PCBP3: variants seen among roughly 807,000 people sequenced by gnomAD.
The protein encoded by PCBP3 is poly(rC) binding protein 3, also known as poly(rC)-binding protein 3.
A neutral mutation model predicts 52.7 loss-of-function variants in PCBP3; 25 were observed. The ratio of observed to expected loss-of-function variants is 0.47; its 90% CI spans 0.35 to 0.66. The LOEUF is 0.66. Ranked by LOEUF, PCBP3 falls within the 30% of genes least tolerant of loss-of-function variation. PCBP3 has a pLI of 0.01. For missense variants in PCBP3, 391 were observed against 490.3 expected (o/e 0.80, Z 1.91); for synonymous variants, 162 against 183.0 (o/e 0.89, Z 0.93).
intron 4 of PCBP3, among the ~76,000 whole-genome samples, chr21:45,783,645 T>C (rs552629143): frequency 1.3e-5 from 2 of 152,236 alleles, no homozygotes; most frequent in African/African-American, 4.8e-5. Flanking sequence ...AAGGTAGCCA[T>C]GGTGATGGAG....
intron 5 of PCBP3, among the ~76,000 whole-genome samples, chr21:45,864,502 A>G (rs1335956116): frequency 6.6e-6 from 1 of 152,232 alleles, no homozygotes; most frequent in Non-Finnish European, 1.5e-5. Flanking sequence ...ACAAAATTTT[A>G]TATTTTCACC....
At position 45,941,694 on chromosome 21, in the gene PCBP3, G is replaced by T; in HGVS notation, c.1104G>T (p.Met368Ile). 6.2e-7 allele frequency: 1 copy of T among 1,606,290 alleles called. No individual in the cohort carries two copies. The highest frequency in any genetic ancestry group is 8.5e-7 in the Non-Finnish European group (1 of 1,176,412). Residue 368 changes from methionine (M) to isoleucine (I), a missense_variant, in exon 18 of 18, where the codon ATG (methionine) becomes ATT (isoleucine). Met to Ile is a conservative substitution (Grantham distance 10). Transcript: ENST00000681687. ...GGCTGACGTCCGAGGTCACCGGGAT[G>T]GGCACGCTGTAATCCTACCCAGCAC... ...NARLTSEVTG[M>I]GTL
rs1556258220 is a variant in PCBP3, at chr21:45,901,717, G to GGGAC, written c.339+604_339+605insGGAC. 3.1e-5 allele frequency: 4 copies of GGGAC among 127,502 alleles called. 1 individual carries two copies. The highest frequency in any genetic ancestry group is 5.3e-5 in the Non-Finnish European group (3 of 56,842). 7.9% of individuals were successfully genotyped at this position (127,502 alleles called of 1,614,324 possible). On this transcript the variant is annotated intron_variant, in intron 9 of 17. Transcript: ENST00000681687. Reference sequence around the variant, plus strand: ...TGAGAGAGAGAGAGGAAGACAGAGAGAGAGAGATGAGAGAGAGAGAGACAG... The same window carrying GGGAC: ...TGAGAGAGAGAGAGGAAGACAGAGAGGGACAGAGAGATGAGAGAGAGAGAGACAG...
chr21:45,721,349 G>A (rs559183700), intron 2 of PCBP3, among the ~76,000 whole-genome samples: 217 of 149,656 alleles, frequency 1.4e-3, no homozygotes, highest in Non-Finnish European at 1.9e-3. Flanking sequence ...GGAGGTGGAG[G>A]TTACAGTGAG....
intron 2 of PCBP3, among the ~76,000 whole-genome samples, chr21:45,688,803 A>G (rs1569118509): frequency 6.6e-6 from 1 of 151,988 alleles, no homozygotes; most frequent in Non-Finnish European, 1.5e-5. Context: ...ACAACACTGA[A>G]AAGGCTAATG....
In PCBP3 at chr21:45,704,097, G is replaced by A. The variant is rs1248957514; in HGVS notation, c.-199-31295G>A. Among the ~76,000 whole-genome samples, 3 of 152,202 alleles carry A rather than the reference G, an allele frequency of 2.0e-5. No individual in the cohort carries two copies. Among genetic ancestry groups the A allele is most frequent in the African/African-American group, 2.4e-5 (1 of 41,448 alleles). ...TCTGGCTGATGTCAAGAGGTCAGAA[G>A]GGAAGACACGTTTATCTTGAGTTGG... is the stretch of plus-strand genomic sequence containing the variant. On this transcript the variant is annotated intron_variant, in intron 2 of 17. Coordinates refer to ENST00000681687, the MANE Select transcript of PCBP3 (RefSeq NM_001384156.1). The surrounding 1 kb of genome is among the most constrained non-coding windows in gnomAD (Gnocchi z 4.1).
At chr21:45,924,204 G>A (rs75148281) in intron 13 of PCBP3, among the ~76,000 whole-genome samples, 4,071 of 18,662 alleles carry the variant, frequency 0.22, 981 homozygotes, top group African/African-American at 0.53. Context: ...CACACGTAAG[G>A]TCGGGTGTGC....
chr21:45,796,691 CT>C (rs1444043893), intron 4 of PCBP3, among the ~76,000 whole-genome samples: 1 of 151,982 alleles, frequency 6.6e-6, no homozygotes, highest in African/African-American at 2.4e-5. Context: ...CCATTAATGC[CT>C]TTTAGGCAAT....
chr21:45,902,003 G>A (rs2096069022), intron 9 of PCBP3, among the ~76,000 whole-genome samples: 1 of 152,194 alleles, frequency 6.6e-6, no homozygotes, highest in Admixed American at 6.5e-5. Context: ...GGGGGTCGGC[G>A]CCATCTTCTG....
At chr21:45,773,446 T>C (rs1239611111) in intron 4 of PCBP3, among the ~76,000 whole-genome samples, 1 of 152,190 alleles carries the variant, frequency 6.6e-6, no homozygotes, top group African/African-American at 2.4e-5. Flanking sequence ...GAAGATTATG[T>C]TGAACATTTT....
rs561178196 is a variant in PCBP3 at position 45,701,349 on chromosome 21, C to A, written c.-200+32397C>A. 2.4e-4 allele frequency among the ~76,000 whole-genome samples: 37 copies of A among 152,312 alleles called. No individual in the cohort carries two copies. In the South Asian group the frequency reaches 2.5e-3, roughly 10 times the overall value. On this transcript the variant is annotated intron_variant, in intron 2 of 17. Coordinates refer to ENST00000681687, the MANE Select transcript of PCBP3 (RefSeq NM_001384156.1). ...AAACCACTTGTGTTTCCTCTTCAAG[C>A]ACCACAGTATCCTATGACACTAGGC...
chr21:45,663,162 CCTCTCT>C (rs35784297), intron 1 of PCBP3, among the ~76,000 whole-genome samples: 2 of 150,120 alleles, frequency 1.3e-5, no homozygotes, highest in East Asian at 2.0e-4. Flanking sequence ...TAAGCTGTCT[CCTCTCT>C]CTCTCTCTCT....
intron 4 of PCBP3, chr21:45,836,552 A>G (rs2093594108): frequency 6.6e-6 from 1 of 150,674 alleles, no homozygotes; most frequent in Admixed American, 6.6e-5. Context: ...ACTTCCCAGT[A>G]TATTCGTTAA....
chr21:45,673,632 C>A (rs987052637), intron 2 of PCBP3: 3 of 152,086 alleles, frequency 2.0e-5, no homozygotes, highest in African/African-American at 7.2e-5. Flanking sequence ...CTCCTGGGGC[C>A]CTTGTGGAAG....
At chr21:45,801,704 A>G (rs1000724853) in intron 4 of PCBP3, among the ~76,000 whole-genome samples, 3 of 152,218 alleles carry the variant, frequency 2.0e-5, no homozygotes, top group Non-Finnish European at 2.9e-5. Flanking sequence ...TTCTGCCTTT[A>G]GCTGCAGTAT....
chr21:45,644,075 GCTCCCTCAAGGT>G (rs1447041779), intron 1 of PCBP3, among the ~76,000 whole-genome samples: 2 of 149,970 alleles, frequency 1.3e-5, no homozygotes, highest in Non-Finnish European at 3.0e-5. Flanking sequence ...GGGGACTCGC[GCTCCCTCAAGGT>G]GCGGTCGCCA....
At position 45,712,137 on chromosome 21, in the gene PCBP3, A is replaced by T. The variant is rs1035776918; in HGVS notation, c.-199-23255A>T. On this transcript the variant is annotated intron_variant, in intron 2 of 17. Transcript: ENST00000681687. ...TGTATAAATATACCTTGATTTGTTT[A>T]TCCATTCACTTATTGAAAGATGTCT... 3.3e-5 allele frequency among the ~76,000 whole-genome samples: 5 copies of T among 152,292 alleles called. No individual in the cohort carries two copies. In the East Asian group the frequency reaches 9.6e-4, roughly 29 times the overall value.
At chr21:45,688,358 A>G (rs770997934) in intron 2 of PCBP3, among the ~76,000 whole-genome samples, 65 of 152,216 alleles carry the variant, frequency 4.3e-4, no homozygotes, top group Non-Finnish European at 6.6e-4. Context: ...TTAGAAATCA[A>G]TAATAAGGTT....
chr21:45,921,637 G>A (rs1379496385), intron 13 of PCBP3, among the ~76,000 whole-genome samples: 1 of 151,988 alleles, frequency 6.6e-6, no homozygotes, highest in African/African-American at 2.4e-5. Flanking sequence ...CCAACATGGC[G>A]AGACCCCGTC....
Sources: allele counts gnomAD v4.1 joint callset (sites outside exome capture counted in the v4.1 genomes callset), GRCh38; gene constraint gnomAD v4.1.1; non-coding constraint Gnocchi (gnomAD v3.1); transcripts MANE v1.5; gene names NCBI Gene and HGNC (gene_info 2026-07-23, HGNC 2026-07-21).